WDFY4: variants seen among roughly 807,000 people sequenced by gnomAD.
WDFY4 encodes the protein WDFY family member 4.
In WDFY4, 169 loss-of-function variants were observed where a neutral mutation model predicts 351.9. The ratio of observed to expected loss-of-function variants is 0.48; its 90% CI spans 0.42 to 0.55. WDFY4 has a LOEUF of 0.55. Ranked by LOEUF, WDFY4 falls within the 20% of genes least tolerant of loss-of-function variation. The probability of loss-of-function intolerance (pLI) is 0.00; values close to 1 mark genes in which losing one functional copy is unlikely to be tolerated. For missense variants in WDFY4, 3,803 were observed against 3,935.6 expected (o/e 0.97, Z 0.90); for synonymous variants, 1,622 against 1,574.6 (o/e 1.03, Z -0.71).
At chr10:48,861,532 C>T (rs1242601408) in intron 39 of WDFY4, among the ~76,000 whole-genome samples, 1 of 152,142 alleles carries the variant, frequency 6.6e-6, no homozygotes, top group Admixed American at 6.5e-5. Context: ...TCCTTTTGGA[C>T]TCCATGGCTT....
At chr10:48,776,120 T>G (rs935944932) in intron 15 of WDFY4, among the ~76,000 whole-genome samples, 7 of 152,088 alleles carry the variant, frequency 4.6e-5, no homozygotes, top group Non-Finnish European at 8.8e-5. Context: ...GACAGAGGTG[T>G]GCAGGGAAGG....
intron 58 of WDFY4, 38 bp downstream of exon 58, chr10:48,975,079 T>C (rs1175926272): frequency 6.4e-7 from 1 of 1,551,498 alleles, no homozygotes; most frequent in Non-Finnish European, 8.7e-7. Flanking sequence ...GTCCTCACCT[T>C]CGCAGTAGCA....
chr10:48,955,275 A>G (rs1460731477), intron 51 of WDFY4, among the ~76,000 whole-genome samples: 3 of 152,242 alleles, frequency 2.0e-5, no homozygotes, highest in Non-Finnish European at 4.4e-5. Context: ...GACCTTGGGG[A>G]AAAGCCACAT....
chr10:48,796,417 T>C lies in WDFY4; in HGVS notation c.4377T>C (p.Thr1459=). Reference sequence around the variant, plus strand: ...TCAGGTCATCTGCTATCACCAACACTGGTGTCTTCCAGCACATCCTCTGCA... The same window carrying C: ...TCAGGTCATCTGCTATCACCAACACCGGTGTCTTCCAGCACATCCTCTGCA... ...LGFRSSAITN[T]GVFQHILCNF... The change falls in exon 24 of 62, where the codon ACT becomes ACC. Residue 1459 remains threonine, a synonymous_variant. Transcript: ENST00000325239. The C allele has an allele frequency of 6.4e-7, 1 of 1,551,998 alleles. No homozygotes were observed. Among genetic ancestry groups the C allele is most frequent in the Non-Finnish European group, 8.7e-7 (1 of 1,147,080 alleles).
chr10:48,817,818 G>T (rs953086414), intron 32 of WDFY4, among the ~76,000 whole-genome samples: 1 of 152,214 alleles, frequency 6.6e-6, no homozygotes, highest in African/African-American at 2.4e-5. Context: ...CATCCAACTT[G>T]CAGGCCCCTG....
chr10:48,784,301 C>T (rs189841757), intron 19 of WDFY4, among the ~76,000 whole-genome samples: 11 of 152,208 alleles, frequency 7.2e-5, no homozygotes, highest in Middle Eastern at 3.4e-3. Context: ...TTGACATTTC[C>T]GCTAACAATG....
chr10:48,864,422 T>G (rs532526558), intron 39 of WDFY4, among the ~76,000 whole-genome samples: 66 of 152,362 alleles, frequency 4.3e-4, no homozygotes, highest in Middle Eastern at 3.4e-3. Context: ...GACTCTCAAT[T>G]TTATTCCATT....
chr10:48,902,109 C>T (rs1246104931), intron 47 of WDFY4, among the ~76,000 whole-genome samples: 7 of 152,266 alleles, frequency 4.6e-5, no homozygotes, highest in Non-Finnish European at 1.0e-4. Context: ...TGGCAGGAAG[C>T]CATCCTCTGC....
intron 58 of WDFY4, 60 bp from the exon 59 acceptor site, chr10:48,976,737 A>AAGT: frequency 7.7e-7 from 1 of 1,292,942 alleles, no homozygotes; most frequent in Non-Finnish European, 9.9e-7. Context: ...GTAGCTGAGC[A>AAGT]AGTGGCTGAT....
intron 45 of WDFY4, among the ~76,000 whole-genome samples, chr10:48,899,034 A>C (rs1019075068): frequency 6.6e-6 from 1 of 150,926 alleles, no homozygotes; most frequent in South Asian, 2.1e-4. Context: ...TCTACCTCAC[A>C]TGTTATATAG....
chr10:48,822,568 G>C, intron 35 of WDFY4, 31 bp downstream of exon 35: 1 of 1,487,856 alleles, frequency 6.7e-7, no homozygotes, highest in Middle Eastern at 1.7e-4. Flanking sequence ...GGGTATCTGT[G>C]TGGATCTGAA....
At chr10:48,809,571 TCAA>T (rs1449905832) in intron 28 of WDFY4, among the ~76,000 whole-genome samples, 6 of 142,938 alleles carry the variant, frequency 4.2e-5, no homozygotes, top group East Asian at 4.0e-4. Flanking sequence ...ATCAACATCA[TCAA>T]CATCACCACC....
intron 47 of WDFY4, among the ~76,000 whole-genome samples, chr10:48,937,211 G>A (rs537198218): frequency 4.6e-5 from 7 of 152,182 alleles, no homozygotes; most frequent in South Asian, 4.2e-4. Context: ...GATTTTTAAC[G>A]TATGTACAGC....
At chr10:48,958,707 A>C (rs1291943372) in intron 52 of WDFY4, among the ~76,000 whole-genome samples, 1 of 152,210 alleles carries the variant, frequency 6.6e-6, no homozygotes, top group East Asian at 1.9e-4. Context: ...GAGAAAATAT[A>C]GACAATTTCT....
chr10:48,740,187 C>G (rs1448748157), intron 11 of WDFY4, among the ~76,000 whole-genome samples: 1 of 152,146 alleles, frequency 6.6e-6, no homozygotes. Flanking sequence ...TTAAGATTTC[C>G]TTTGTGACGG....
In WDFY4 at chr10:48,854,110, A is replaced by C. The variant is rs534373051; in HGVS notation, c.6664-13155A>C. On this transcript the variant is annotated intron_variant, in intron 39 of 61. Transcript: ENST00000325239. ...ATTTTAATTTTTAGGAGACAGTCTA[A>C]GTCATTTTTTTTTTTTTTTGACAAG... 1.2e-4 allele frequency among the ~76,000 whole-genome samples: 17 copies of C among 138,762 alleles called. No homozygotes were observed. The East Asian group carries it at 4.2e-3, about 35-fold the overall frequency. 91.0% of individuals were successfully genotyped at this position (138,762 alleles called of 152,430 possible). A position where few individuals can be genotyped will look rare whatever the true frequency, so the allele number is the denominator to read the frequency against.
intron 1 of WDFY4, among the ~76,000 whole-genome samples, chr10:48,690,629 TTG>T (rs2063167786): frequency 1.3e-5 from 2 of 152,086 alleles, no homozygotes; most frequent in Non-Finnish European, 2.9e-5. Flanking sequence ...CTGCAGCTGG[TTG>T]TCCCTACGTC....
intron 43 of WDFY4, among the ~76,000 whole-genome samples, chr10:48,884,875 A>G (rs2070394117): frequency 6.6e-6 from 1 of 151,828 alleles, no homozygotes; most frequent in African/African-American, 2.4e-5. Flanking sequence ...TTCCTTCCAC[A>G]CTGCTGGGAG....
intron 51 of WDFY4, among the ~76,000 whole-genome samples, chr10:48,948,842 G>C (rs903120492): frequency 1.3e-5 from 2 of 152,186 alleles, no homozygotes; most frequent in Admixed American, 1.3e-4. Context: ...GTCCAGGCTG[G>C]TCTCCTCTGG....
Sources: allele counts gnomAD v4.1 joint callset (sites outside exome capture counted in the v4.1 genomes callset), GRCh38; gene constraint gnomAD v4.1.1; transcripts MANE v1.5; gene names NCBI Gene and HGNC (gene_info 2026-07-23, HGNC 2026-07-21).